The following FBLN1 variants were observed in gnomAD, a reference collection of about 807,000 sequenced individuals.
FBLN1 encodes the protein fibulin-1.
FBLN1 carries 34 observed loss-of-function variants against 89.7 expected under a neutral mutation model. That is an observed-to-expected ratio of 0.38 (90% CI 0.29 to 0.50). The LOEUF is 0.50. Among genes scored for constraint, FBLN1 ranks in the 20% least tolerant of loss-of-function variants. FBLN1 has a pLI of 0.92. For synonymous variants in FBLN1, 393 were observed against 391.3 expected (o/e 1.00, Z -0.05); for missense variants, 777 against 988.1 (o/e 0.79, Z 2.86).
rs1482441584 is a variant in FBLN1 at position 45,572,951 on chromosome 22, G to A, written c.1698-1560G>A. ...TTGTATGGAAAATAAAGGAGGCCGG[G>A]CACGTTGGCTCACGCCTGTAATCCC... On this transcript the variant is annotated intron_variant, in intron 14 of 16. Transcript: ENST00000327858. This position sits in a 1 kb window ranked among gnomAD's most constrained non-coding sequence, Gnocchi z 5.8. Among the ~76,000 whole-genome samples, 1 of 152,244 alleles carries A rather than the reference G, an allele frequency of 6.6e-6. No individual in the cohort carries two copies. Among genetic ancestry groups the A allele is most frequent in the Non-Finnish European group, 1.5e-5 (1 of 68,044 alleles).
At chr22:45,534,522 A>G (rs1021020633) in intron 7 of FBLN1, among the ~76,000 whole-genome samples, 6 of 152,176 alleles carry the variant, frequency 3.9e-5, no homozygotes, top group African/African-American at 1.2e-4. Context: ...ACAGTTTTGC[A>G]GAGGGTTTCA....
At chr22:45,526,463 T>C (rs921921973) in intron 3 of FBLN1, among the ~76,000 whole-genome samples, 3 of 152,208 alleles carry the variant, frequency 2.0e-5, no homozygotes, top group Non-Finnish European at 4.4e-5. Context: ...CAGGAGGAAC[T>C]TGGGCCTGGA....
rs188097850 is a variant in FBLN1, at chr22:45,513,899, T to C, written c.80-4783T>C. On this transcript the variant is annotated intron_variant, in intron 1 of 16. Transcript: ENST00000327858. The stretch of plus-strand genomic sequence containing the variant: ...ACCTCTGCCTCCCAGGTTCAAGCGA[T>C]TCTTCTGCCTCAGCCTCCTGAGTAG... Among the ~76,000 whole-genome samples the C allele has an allele frequency of 2.0e-3, 302 of 152,100 alleles. 3 individuals are homozygous for C. Among genetic ancestry groups the C allele is most frequent in the African/African-American group, 6.8e-3 (282 of 41,492 alleles).
chr22:45,593,489 C>T (rs1325215563), intron 16 of FBLN1, among the ~76,000 whole-genome samples: 1 of 152,228 alleles, frequency 6.6e-6, no homozygotes. Flanking sequence ...CCAGCAGCGT[C>T]TGAGACCTGA....
chr22:45,563,407 C>A lies in FBLN1; in HGVS notation c.1698-11104C>A. ...TATTTGGCATGGTTGGGAGTCTGTG[C>A]CGCTTGTTACCCGGGGGTGAGCTGG... is the stretch of plus-strand genomic sequence containing the variant. On this transcript the variant is annotated intron_variant, in intron 14 of 16. Coordinates refer to ENST00000327858, the MANE Select transcript of FBLN1 (RefSeq NM_006486.3). This position sits in a 1 kb window ranked among gnomAD's most constrained non-coding sequence, Gnocchi z 5.7. 6.6e-7 allele frequency: 1 copy of A among 1,511,800 alleles called. No homozygotes were observed. The highest frequency in any genetic ancestry group is 8.8e-7 in the Non-Finnish European group (1 of 1,132,408). 93.6% of individuals were successfully genotyped at this position (1,511,800 alleles called of 1,614,324 possible).
At position 45,600,458 on chromosome 22, in the gene FBLN1, C is replaced by A. The variant is rs1293023945; in HGVS notation, c.*12C>A. The stretch of plus-strand genomic sequence containing the variant: ...AGTACTGGTTCTGAGGGCTGGTCTG[C>A]CGCACAGCCGCAGGTGCACCTCCAG... On this transcript the variant is annotated 3_prime_UTR_variant, in exon 17 of 17. Transcript: ENST00000327858. 4 of 1,614,086 alleles carry A rather than the reference C, an allele frequency of 2.5e-6. No individual in the cohort carries two copies. Among genetic ancestry groups the A allele is most frequent in the Non-Finnish European group, 3.4e-6 (4 of 1,179,998 alleles).
At chr22:45,573,778 A>G (rs1247652782) in intron 14 of FBLN1, among the ~76,000 whole-genome samples, 1 of 151,362 alleles carries the variant, frequency 6.6e-6, no homozygotes, top group African/African-American at 2.4e-5. Flanking sequence ...TCTGTCTGGC[A>G]GTTGCGGGGC....
In FBLN1 at chr22:45,574,238, T is replaced by C. The variant is rs1197084635; in HGVS notation, c.1698-273T>C. On this transcript the variant is annotated intron_variant, in intron 14 of 16. Transcript: ENST00000327858. The surrounding 1 kb of genome is among the most constrained non-coding windows in gnomAD (Gnocchi z 4.1). Reference sequence around the variant, plus strand: ...AGCTATTGATGCTCAATTCGTGCAGTTGACAAATGTCCAAGCTGTGCTTAT... The same window carrying C: ...AGCTATTGATGCTCAATTCGTGCAGCTGACAAATGTCCAAGCTGTGCTTAT... 1.3e-5 allele frequency among the ~76,000 whole-genome samples: 2 copies of C among 152,244 alleles called. No individual in the cohort carries two copies. The highest frequency in any genetic ancestry group is 2.9e-5 in the Non-Finnish European group (2 of 68,038).
At chr22:45,508,551 G>A (rs2088055956) in intron 1 of FBLN1, among the ~76,000 whole-genome samples, 2 of 152,106 alleles carry the variant, frequency 1.3e-5, no homozygotes, top group South Asian at 2.1e-4. Flanking sequence ...GTGAGCCACC[G>A]CGCCCAGCCA....
chr22:45,512,527 T>G (rs1244269368), intron 1 of FBLN1, among the ~76,000 whole-genome samples: 1 of 152,082 alleles, frequency 6.6e-6, no homozygotes, highest in Non-Finnish European at 1.5e-5. Context: ...GGTGCCTCTG[T>G]GGGCCTCAGA....
chr22:45,542,327 G>A (rs1569247285), intron 10 of FBLN1, 44 bp downstream of exon 10: 1 of 1,612,120 alleles, frequency 6.2e-7, no homozygotes, highest in Non-Finnish European at 8.5e-7. Flanking sequence ...CCAGCCACGT[G>A]GCACCAGGGA....
In FBLN1 at chr22:45,519,418, C is replaced by T. The variant is rs553299334; in HGVS notation, c.185+631C>T. Among the ~76,000 whole-genome samples, 4 of 151,628 alleles carry T rather than the reference C, an allele frequency of 2.6e-5. No homozygotes were observed. The South Asian group carries it at 6.3e-4, about 24-fold the overall frequency. ...GGTGGATCACCTGAGATCAGGAGTT[C>T]GAGACCAGCCTGGCCAACATGGTGA... On this transcript the variant is annotated intron_variant, in intron 2 of 16. Transcript: ENST00000327858.
Position 45,535,720 on chromosome 22 carries a change from T to G in FBLN1, c.922+383T>G, listed in dbSNP as rs544690764. 6.1e-5 allele frequency: 14 copies of G among 230,228 alleles called. No homozygotes were observed. The South Asian group carries it at 9.2e-4, about 15-fold the overall frequency. 14.3% of individuals were successfully genotyped at this position (230,228 alleles called of 1,614,324 possible). A position where few individuals can be genotyped will look rare whatever the true frequency, so the allele number is the denominator to read the frequency against. The stretch of plus-strand genomic sequence containing the variant: ...TGGAGTTAGAGTGACCCAAGAAAAT[T>G]ACTTCTGAGCTTTAATTTTTTCCTC... On this transcript the variant is annotated intron_variant, in intron 8 of 16. Coordinates refer to ENST00000327858, the MANE Select transcript of FBLN1 (RefSeq NM_006486.3).
rs751103750 is a variant in FBLN1, at chr22:45,574,564, A to G, written c.1751A>G (p.Asn584Ser). The change falls in exon 15 of 17, where the codon AAC becomes AGC. Residue 584 changes from asparagine (N) to serine (S), a missense_variant. Physicochemically the swap from Asn to Ser is conservative, Grantham distance 46. Transcript: ENST00000327858. This position sits in a 1 kb window ranked among gnomAD's most constrained non-coding sequence, Gnocchi z 4.1. ...CGCTGCATCAAGTCCTGCCGCCCCA[A>G]CGATGTCACATGCGTGTTCGACCCC... ...TVRCIKSCRP[N>S]DVTCVFDPVH... is the part of the protein sequence containing the mutation. The G allele has an allele frequency of 4.1e-5, 66 of 1,614,014 alleles. No homozygotes were observed. The highest frequency in any genetic ancestry group is 5.3e-5 in the Non-Finnish European group (63 of 1,180,034).
At chr22:45,540,470 G>A (rs136755) in intron 8 of FBLN1, among the ~76,000 whole-genome samples, 53,992 of 151,966 alleles carry the variant, frequency 0.36, 10,314 homozygotes, top group Middle Eastern at 0.5. Flanking sequence ...CTTACGCTCA[G>A]GGGTCTTCCA....
rs998456787 is a variant in FBLN1 at position 45,531,823 on chromosome 22, G to A, written c.544+499G>A. ...CAGAGCTGGTGTGGAAAGCCTGCAC[G>A]TTACCGAGCCCCCAGGCCTTGTGAA... On this transcript the variant is annotated intron_variant, in intron 5 of 16. Coordinates refer to ENST00000327858, the MANE Select transcript of FBLN1 (RefSeq NM_006486.3). The surrounding 1 kb of genome is among the most constrained non-coding windows in gnomAD (Gnocchi z 4.9). Among the ~76,000 whole-genome samples, 6 of 152,286 alleles carry A rather than the reference G, an allele frequency of 3.9e-5. No homozygotes were observed. Among genetic ancestry groups the A allele is most frequent in the African/African-American group, 9.6e-5 (4 of 41,546 alleles).
chr22:45,510,266 G>A (rs149189275), intron 1 of FBLN1, among the ~76,000 whole-genome samples: 14 of 152,252 alleles, frequency 9.2e-5, no homozygotes, highest in Middle Eastern at 3.4e-3. Flanking sequence ...GAATCGGGCC[G>A]GCTTTGTAGA....
rs959225733 is a variant in FBLN1, at chr22:45,577,293, G to A, written c.1972+185G>A. Among the ~76,000 whole-genome samples the A allele has an allele frequency of 6.6e-6, 1 of 152,136 alleles. No individual in the cohort carries two copies. The highest frequency in any genetic ancestry group is 2.1e-4 in the South Asian group (1 of 4,826). The stretch of plus-strand genomic sequence containing the variant: ...CTCGGCCGGAGGAACAGCCAGAGTG[G>A]GGGATCCTGCCTGGGATCTGACCCT... On this transcript the variant is annotated intron_variant, in intron 16 of 16. Coordinates refer to ENST00000327858, the MANE Select transcript of FBLN1 (RefSeq NM_006486.3). The surrounding 1 kb of genome is among the most constrained non-coding windows in gnomAD (Gnocchi z 6.6).
chr22:45,585,651 T>C (rs1194900050), intron 16 of FBLN1, among the ~76,000 whole-genome samples: 2 of 152,178 alleles, frequency 1.3e-5, no homozygotes, highest in African/African-American at 4.8e-5. Flanking sequence ...CCCAGGGTGC[T>C]GGGCCCGGCC....
Sources: gnomAD v4.1 joint callset for allele counts (sites outside exome capture counted in the v4.1 genomes callset) on GRCh38, gnomAD v4.1.1 for gene constraint, Gnocchi (gnomAD v3.1) non-coding constraint, MANE v1.5 for transcripts, NCBI Gene and HGNC (gene_info 2026-07-23, HGNC 2026-07-21) for gene names.